AK7: variants seen among roughly 807,000 people sequenced by gnomAD.
AK7 encodes adenylate kinase 7.
A neutral mutation model predicts 96.6 loss-of-function variants in AK7; 78 were observed. The observed-to-expected ratio is 0.81, with a 90% CI of 0.67 to 0.97. The LOEUF is 0.97. Ranked by LOEUF, AK7 falls within the 50% of genes least tolerant of loss-of-function variation. The pLI is 0.00. For synonymous variants in AK7, 302 were observed against 317.2 expected (o/e 0.95, Z 0.51); for missense variants, 855 against 887.9 (o/e 0.96, Z 0.47).
intron 12 of AK7, among the ~76,000 whole-genome samples, chr14:96,464,679 TA>T (rs1482681579): frequency 2.0e-5 from 3 of 152,108 alleles, no homozygotes; most frequent in Non-Finnish European, 4.4e-5. Flanking sequence ...GCTATGTTAC[TA>T]TTGATTTCAG....
intron 12 of AK7, among the ~76,000 whole-genome samples, chr14:96,469,692 A>G (rs1305794910): frequency 2.0e-5 from 3 of 152,160 alleles, no homozygotes; most frequent in Admixed American, 2.0e-4. Context: ...AATACTTAAG[A>G]TCTTTTTTTG....
intron 2 of AK7, among the ~76,000 whole-genome samples, chr14:96,403,632 T>C (rs907939841): frequency 1.4e-4 from 21 of 152,172 alleles, no homozygotes; most frequent in African/African-American, 5.1e-4. Context: ...TGTTTTTCAA[T>C]AAAGGAAGAG....
chr14:96,459,315 G>A (rs1193529814), intron 12 of AK7, among the ~76,000 whole-genome samples: 1 of 151,820 alleles, frequency 6.6e-6, no homozygotes. Flanking sequence ...TCCAGTCTGA[G>A]TGACAGAGCA....
At chr14:96,428,478 C>T (rs934230598) in intron 5 of AK7, among the ~76,000 whole-genome samples, 1 of 152,158 alleles carries the variant, frequency 6.6e-6, no homozygotes, top group African/African-American at 2.4e-5. Context: ...GGTATATACC[C>T]AGTAATGGAA....
At chr14:96,412,440 C>T (rs1891091620) in intron 4 of AK7, among the ~76,000 whole-genome samples, 2 of 151,598 alleles carry the variant, frequency 1.3e-5, no homozygotes, top group South Asian at 4.2e-4. Context: ...GTTGGTCAGG[C>T]TGGTCTCGAA....
At chr14:96,454,176 T>C (rs1363883824) in intron 10 of AK7, among the ~76,000 whole-genome samples, 1 of 152,216 alleles carries the variant, frequency 6.6e-6, no homozygotes, top group Admixed American at 6.5e-5. Context: ...GTAGTAATGA[T>C]ATTAACCAAC....
chr14:96,423,947 G>A (rs1184526294), intron 5 of AK7: 3 of 1,048,546 alleles, frequency 2.9e-6, no homozygotes, highest in Non-Finnish European at 4.5e-6. Flanking sequence ...CCCTTCATGT[G>A]GACCACCAGG....
intron 1 of AK7, 80 bp downstream of exon 1, chr14:96,392,339 G>C: frequency 7.5e-7 from 1 of 1,326,584 alleles, no homozygotes; most frequent in Non-Finnish European, 1.1e-6. Flanking sequence ...AACCCAGCGA[G>C]GGTCTGCGCC....
At chr14:96,441,860 C>T (rs947108858) in intron 6 of AK7, among the ~76,000 whole-genome samples, 1 of 152,032 alleles carries the variant, frequency 6.6e-6, no homozygotes, top group African/African-American at 2.4e-5. Flanking sequence ...GCACTTCCCA[C>T]CTCCAGGCTA....
Position 96,442,679 on chromosome 14 carries a change from T to C in AK7, c.691-51T>C, listed in dbSNP as rs1409254859. 5 of 1,375,644 alleles carry C rather than the reference T, an allele frequency of 3.6e-6. No individual in the cohort carries two copies. The South Asian group carries it at 4.6e-5, about 13-fold the overall frequency. The allele number at this position is 1,375,644 out of a possible 1,614,324, so 85.2% of individuals were successfully genotyped here. On this transcript the variant is annotated intron_variant, in intron 6 of 17. Coordinates refer to ENST00000267584, the MANE Select transcript of AK7 (RefSeq NM_152327.5). ...CTGTAGACTTATGTGTGAGCTGTAA[T>C]AGCCATCCACATATAACTGGGGGAC...
intron 5 of AK7, among the ~76,000 whole-genome samples, chr14:96,430,748 T>A (rs1029095910): frequency 2.0e-5 from 3 of 152,218 alleles, no homozygotes; most frequent in African/African-American, 4.8e-5. Context: ...TTTTGTTGTG[T>A]CTCTGCCAGG....
In AK7 at chr14:96,434,775, G is replaced by A. The variant is rs148918608; in HGVS notation, c.610-3060G>A. Among the ~76,000 whole-genome samples, 1,228 of 152,138 alleles carry A rather than the reference G, an allele frequency of 8.1e-3. 17 individuals carry two copies. Among genetic ancestry groups the A allele is most frequent in the South Asian group, 0.05 (240 of 4,804 alleles). On this transcript the variant is annotated intron_variant, in intron 5 of 17. Coordinates refer to ENST00000267584, the MANE Select transcript of AK7 (RefSeq NM_152327.5). The stretch of plus-strand genomic sequence containing the variant: ...TTAGAAGTCTACCTGGCGTTCTATT[G>A]TATTGCGGCTGAGCTAGCACTCACA...
At chr14:96,393,619 C>T (rs952775028) in intron 1 of AK7, among the ~76,000 whole-genome samples, 2 of 152,170 alleles carry the variant, frequency 1.3e-5, no homozygotes, top group Non-Finnish European at 2.9e-5. Context: ...CCCTGTGTCT[C>T]TGTGTCAAAA....
At chr14:96,459,582 G>A (rs774936714) in intron 12 of AK7, among the ~76,000 whole-genome samples, 28 of 151,968 alleles carry the variant, frequency 1.8e-4, no homozygotes, top group Non-Finnish European at 2.9e-4. Context: ...GGATGAGGCC[G>A]GGCACGGTGG....
At chr14:96,395,718 G>GAAAAAA (rs71103518) in intron 1 of AK7, among the ~76,000 whole-genome samples, 2 of 41,032 alleles carry the variant, frequency 4.9e-5, no homozygotes, top group Non-Finnish European at 1.1e-4. Flanking sequence ...CTTGTCTCTA[G>GAAAAAA]AAAAAAAAAA....
intron 15 of AK7, 59 bp downstream of exon 15, chr14:96,478,721 A>G (rs1379924649): frequency 6.5e-7 from 1 of 1,543,296 alleles, no homozygotes; most frequent in Middle Eastern, 1.9e-4. Context: ...AGCTTGGTGC[A>G]GGTCTAGCTG....
chr14:96,392,777 C>A (rs1046668200), intron 1 of AK7, among the ~76,000 whole-genome samples: 1 of 152,284 alleles, frequency 6.6e-6, no homozygotes, highest in African/African-American at 2.4e-5. Flanking sequence ...CATTCTCCTG[C>A]CTCAGCCTCC....
At chr14:96,392,715 G>C (rs916493207) in intron 1 of AK7, among the ~76,000 whole-genome samples, 5 of 152,008 alleles carry the variant, frequency 3.3e-5, no homozygotes, top group African/African-American at 1.2e-4. Context: ...CCAGGCTGGA[G>C]TGCAGTGGCG....
At chr14:96,426,856 G>T (rs1892056384) in intron 5 of AK7, among the ~76,000 whole-genome samples, 1 of 152,022 alleles carries the variant, frequency 6.6e-6, no homozygotes, top group Non-Finnish European at 1.5e-5. Flanking sequence ...CTTTACCTTT[G>T]CAAGTTTGAT....
Sources: allele counts gnomAD v4.1 joint callset (sites outside exome capture counted in the v4.1 genomes callset), GRCh38; gene constraint gnomAD v4.1.1; transcripts MANE v1.5; gene names NCBI Gene and HGNC (gene_info 2026-07-23, HGNC 2026-07-21).